The following C12orf42 variants were observed in gnomAD, a reference collection of about 807,000 sequenced individuals.
The protein encoded by C12orf42 is uncharacterized protein C12orf42.
C12orf42 carries 25 observed loss-of-function variants against 21.6 expected under a neutral mutation model. The observed-to-expected ratio is 1.16, with a 90% confidence interval of 0.84 to 1.62. C12orf42 has a LOEUF of 1.62. Ranked by LOEUF, C12orf42 falls within the 40% of genes most tolerant of loss-of-function variation. The pLI is 0.00. For synonymous variants in C12orf42, 174 were observed against 175.0 expected (o/e 0.99, Z 0.05); for missense variants, 483 against 459.3 (o/e 1.05, Z -0.47).
the C12orf42 span, among the ~76,000 whole-genome samples, chr12:103,553,578 A>G: frequency 9.2e-5 from 14 of 152,328 alleles, no homozygotes; most frequent in Admixed American, 1.3e-4. Context: ...CATTAGTGTT[A>G]TTTATAAGAC....
At chr12:103,068,607 C>A in the C12orf42 span, among the ~76,000 whole-genome samples, 1 of 151,784 alleles carries the variant, frequency 6.6e-6, no homozygotes. Context: ...GAAAGGCAGA[C>A]CCACCCTTAA....
the C12orf42 span, among the ~76,000 whole-genome samples, chr12:103,049,308 TG>T: frequency 2.6e-5 from 4 of 152,124 alleles, no homozygotes; most frequent in African/African-American, 9.7e-5. Flanking sequence ...AATCTTGGAG[TG>T]ATGTTTGAAT....
chr12:103,329,187 G>GC (rs2040988503), intron 4 of C12orf42, among the ~76,000 whole-genome samples: 1 of 152,294 alleles, frequency 6.6e-6, no homozygotes, highest in East Asian at 1.9e-4. Context: ...GTATGAGGAG[G>GC]TGGCACATAA....
At chr12:103,365,559 TTG>T (rs1250116147) in intron 4 of C12orf42, among the ~76,000 whole-genome samples, 1 of 152,030 alleles carries the variant, frequency 6.6e-6, no homozygotes, top group Non-Finnish European at 1.5e-5. Context: ...GATGATATGA[TTG>T]TATACTTAGA....
At chr12:103,052,445 A>G in the C12orf42 span, among the ~76,000 whole-genome samples, 1 of 152,154 alleles carries the variant, frequency 6.6e-6, no homozygotes, top group African/African-American at 2.4e-5. Context: ...ATAGCTTTGT[A>G]TATTTTATTA....
chr12:103,143,731 A>G, the C12orf42 span, among the ~76,000 whole-genome samples: 2 of 152,238 alleles, frequency 1.3e-5, no homozygotes, highest in Non-Finnish European at 2.9e-5. Context: ...GAATCTATCT[A>G]ATGAAATCAC....
chr12:103,218,211 C>T, the C12orf42 span, among the ~76,000 whole-genome samples: 11 of 149,554 alleles, frequency 7.4e-5, no homozygotes, highest in South Asian at 6.3e-4. Context: ...ACCTGGGAGG[C>T]GGAAGTTGCG....
At chr12:103,050,743 G>A in the C12orf42 span, among the ~76,000 whole-genome samples, 4 of 151,842 alleles carry the variant, frequency 2.6e-5, no homozygotes, top group South Asian at 4.2e-4. Context: ...TATTATGGCA[G>A]GGATATATAT....
chr12:103,342,670 G>A (rs944775183), intron 4 of C12orf42, among the ~76,000 whole-genome samples: 31 of 110,186 alleles, frequency 2.8e-4, no homozygotes, highest in African/African-American at 1.1e-3. Flanking sequence ...CCCCGCCCCC[G>A]CATCCCATCT....
At chr12:103,391,622 T>C (rs185795082) in intron 3 of C12orf42, among the ~76,000 whole-genome samples, 16 of 151,960 alleles carry the variant, frequency 1.1e-4, no homozygotes, top group African/African-American at 3.6e-4. Flanking sequence ...CTTTTGTTGG[T>C]GATGATGACT....
At chr12:103,248,558 A>G (rs1215178308) in intron 10 of C12orf42, among the ~76,000 whole-genome samples, 2 of 150,508 alleles carry the variant, frequency 1.3e-5, no homozygotes, top group Non-Finnish European at 2.9e-5. Context: ...ATTTATACAT[A>G]TATTACATGT....
rs533796708 is a variant in C12orf42 at position 103,238,597 on chromosome 12, G to T, written c.*1367-695C>A. ...TTATTGAAAGGATAAACTCCAGCTG[G>T]AAAACCCAACAACTGTTGTTTCTTT... is the stretch of plus-strand genomic sequence containing the variant. On this transcript the variant is annotated intron_variant and NMD_transcript_variant, in intron 10 of 10. Transcript: ENST00000547347. 5.1e-4 allele frequency among the ~76,000 whole-genome samples: 77 copies of T among 152,322 alleles called. No individual in the cohort carries two copies. In the Middle Eastern group the frequency reaches 0.014, roughly 27 times the overall value.
At chr12:103,372,652 G>T (rs2045357881) in intron 3 of C12orf42, among the ~76,000 whole-genome samples, 2 of 152,068 alleles carry the variant, frequency 1.3e-5, no homozygotes, top group African/African-American at 2.4e-5. Flanking sequence ...GGTATAGGAG[G>T]CTGGTCATGA....
intron 1 of C12orf42, among the ~76,000 whole-genome samples, chr12:103,487,642 C>T (rs937435590): frequency 1.7e-4 from 26 of 152,286 alleles, no homozygotes; most frequent in African/African-American, 5.8e-4. Flanking sequence ...GTTGCTCCTG[C>T]ATTGGGTGCA....
intron 4 of C12orf42, chr12:103,368,123 T>C (rs1366243397): frequency 6.0e-6 from 7 of 1,167,250 alleles, no homozygotes; most frequent in Non-Finnish European, 8.0e-6. Context: ...ATGGAGTTTA[T>C]GGACAGTCGC....
chr12:103,287,394 G>A (rs1335288016), intron 4 of C12orf42, among the ~76,000 whole-genome samples: 1 of 152,180 alleles, frequency 6.6e-6, no homozygotes, highest in Non-Finnish European at 1.5e-5. Flanking sequence ...ATGAGTTCAT[G>A]TCCTTTGTAG....
chr12:103,443,557 A>T (rs571316292), intron 2 of C12orf42, among the ~76,000 whole-genome samples: 1 of 152,152 alleles, frequency 6.6e-6, no homozygotes, highest in Non-Finnish European at 1.5e-5. Context: ...GATTTTTGCC[A>T]TGCCAAAAAT....
chr12:103,225,757 C>A, the C12orf42 span, among the ~76,000 whole-genome samples: 1 of 152,088 alleles, frequency 6.6e-6, no homozygotes, highest in Admixed American at 6.5e-5. Flanking sequence ...AGAAGCCTGA[C>A]CATCAATACC....
intron 1 of C12orf42, among the ~76,000 whole-genome samples, chr12:103,495,409 G>GCCCCTCCCCCGCTCCCTCCCCCA (rs1955460129): frequency 1.3e-5 from 2 of 151,942 alleles, no homozygotes; most frequent in Non-Finnish European, 2.9e-5. Context: ...GCTCCGCCCG[G>GCCCCTCCCCCGCTCCCTCCCCCA]CCCCTCCCCC....
Sources: gnomAD v4.1 joint callset for allele counts (sites outside exome capture counted in the v4.1 genomes callset) on GRCh38, gnomAD v4.1.1 for gene constraint, MANE v1.5 for transcripts, NCBI Gene and HGNC (gene_info 2026-07-23, HGNC 2026-07-21) for gene names.